AKAIN1: variants seen among roughly 807,000 people sequenced by gnomAD.
AKAIN1 encodes A-kinase anchor inhibitor 1, also known as A-kinase anchor protein inhibitor 1.
In AKAIN1, 3 loss-of-function variants were observed where a neutral mutation model predicts 3.7. The ratio of observed to expected loss-of-function variants is 0.82; its 90% CI spans 0.37 to 2.12. AKAIN1 has a LOEUF of 2.12. Ranked by LOEUF, AKAIN1 falls within the 30% of genes most tolerant of loss-of-function variation. The pLI is 0.06. For synonymous variants in AKAIN1, 31 were observed against 30.8 expected (o/e 1.01, Z -0.02); for missense variants, 82 against 82.7 (o/e 0.99, Z 0.03).
chr18:5,168,864 TAAA>T (rs34950957), intron 1 of AKAIN1, among the ~76,000 whole-genome samples: 4 of 122,666 alleles, frequency 3.3e-5, no homozygotes, highest in South Asian at 2.6e-4. Flanking sequence ...GGCAATTCAT[TAAA>T]AAAAAAAAAA....
chr18:5,155,829 C>T (rs1598306070), intron 1 of AKAIN1, among the ~76,000 whole-genome samples: 1 of 152,164 alleles, frequency 6.6e-6, no homozygotes, highest in South Asian at 2.1e-4. Context: ...TACTTTCTTT[C>T]CCACTGCAGG....
At chr18:5,181,888 C>A (rs2071260619) in intron 1 of AKAIN1, among the ~76,000 whole-genome samples, 1 of 152,058 alleles carries the variant, frequency 6.6e-6, no homozygotes, top group Admixed American at 6.6e-5. Context: ...CCTCACAATA[C>A]AAATTGACCC....
At chr18:5,174,419 G>T (rs2071214389) in intron 1 of AKAIN1, among the ~76,000 whole-genome samples, 1 of 152,134 alleles carries the variant, frequency 6.6e-6, no homozygotes, top group South Asian at 2.1e-4. Context: ...TTGCCCACTT[G>T]TATAAAGCAC....
intron 1 of AKAIN1, among the ~76,000 whole-genome samples, chr18:5,157,480 A>C (rs540999828): frequency 1.2e-4 from 18 of 152,334 alleles, no homozygotes; most frequent in South Asian, 8.3e-4. Flanking sequence ...GCATTTGGAA[A>C]GAAAGCTCAA....
At chr18:5,183,730 G>C (rs1051097814) in intron 1 of AKAIN1, among the ~76,000 whole-genome samples, 4 of 152,028 alleles carry the variant, frequency 2.6e-5, no homozygotes, top group African/African-American at 7.2e-5. Context: ...TGAAACCATT[G>C]CTCTTAGGAA....
At chr18:5,149,522 A>G (rs1324605252) in intron 1 of AKAIN1, among the ~76,000 whole-genome samples, 1 of 152,220 alleles carries the variant, frequency 6.6e-6, no homozygotes, top group Non-Finnish European at 1.5e-5. Context: ...CACCTAGGTT[A>G]TCCTCTGCCA....
At chr18:5,196,514 C>A (rs2071348490) in intron 1 of AKAIN1, among the ~76,000 whole-genome samples, 1 of 152,238 alleles carries the variant, frequency 6.6e-6, no homozygotes, top group South Asian at 2.1e-4. Flanking sequence ...AGTTTCAGGT[C>A]TAATTCCTTA....
In AKAIN1 at chr18:5,189,093, G is replaced by T. The variant is rs1270581006; in HGVS notation, c.16+7945C>A. On this transcript the variant is annotated intron_variant, in intron 1 of 1. Coordinates refer to ENST00000434239, the MANE Select transcript of AKAIN1 (RefSeq NM_001145194.2). ...CCTGAGCCCATTTGAGCCATGGCTG[G>T]AGCAGCCAAGGAGAGTTATGCTGAA... Among the ~76,000 whole-genome samples, 2 of 152,274 alleles carry T rather than the reference G, an allele frequency of 1.3e-5. 1 individual carries two copies. Among genetic ancestry groups the T allele is most frequent in the South Asian group, 4.1e-4 (2 of 4,822 alleles).
intron 1 of AKAIN1, among the ~76,000 whole-genome samples, chr18:5,163,447 T>C (rs1032148903): frequency 6.6e-6 from 1 of 152,074 alleles, no homozygotes; most frequent in Non-Finnish European, 1.5e-5. Context: ...TCGTGTGCAA[T>C]ATAAGAAATA....
At chr18:5,174,343 C>G (rs2071213950) in intron 1 of AKAIN1, among the ~76,000 whole-genome samples, 1 of 152,126 alleles carries the variant, frequency 6.6e-6, no homozygotes, top group African/African-American at 2.4e-5. Flanking sequence ...CAAGGTCCAC[C>G]TTAGAAAGCT....
intron 1 of AKAIN1, among the ~76,000 whole-genome samples, chr18:5,174,815 G>A (rs945391633): frequency 1.3e-5 from 2 of 152,122 alleles, no homozygotes; most frequent in Admixed American, 6.5e-5. Flanking sequence ...ACTCCACCAC[G>A]GGAACAACTC....
At chr18:5,197,505 A>AAAAAAAAAAC (rs2071356640), upstream of AKAIN1, 3 of 1,024,792 alleles carry the variant, frequency 2.9e-6, no homozygotes, top group Non-Finnish European at 2.3e-6. The surrounding 1 kb of genome is among the most constrained non-coding windows in gnomAD (Gnocchi z 6.9). Context: ...TAGATTTGTC[A>AAAAAAAAAAC]AAAAAAAAAA....
At chr18:5,155,034 C>A (rs767105410) in intron 1 of AKAIN1, among the ~76,000 whole-genome samples, 1 of 152,042 alleles carries the variant, frequency 6.6e-6, no homozygotes, top group South Asian at 2.1e-4. Flanking sequence ...GAAAGCCTAA[C>A]GGGGTTGGCG....
At chr18:5,189,486 C>G (rs1321411787) in intron 1 of AKAIN1, among the ~76,000 whole-genome samples, 1 of 152,150 alleles carries the variant, frequency 6.6e-6, no homozygotes, top group Non-Finnish European at 1.5e-5. Context: ...TTTCCTCTTA[C>G]ATCTCACTGT....
chr18:5,158,879 CAACTA>C (rs1567873120), intron 1 of AKAIN1, among the ~76,000 whole-genome samples: 1 of 152,128 alleles, frequency 6.6e-6, no homozygotes, highest in African/African-American at 2.4e-5. Flanking sequence ...GGTTTTCTTA[CAACTA>C]AACTACAAAA....
intron 1 of AKAIN1, among the ~76,000 whole-genome samples, chr18:5,150,745 C>T (rs2071075654): frequency 6.6e-6 from 1 of 152,152 alleles, no homozygotes; most frequent in Non-Finnish European, 1.5e-5. Context: ...CATGCCTCTC[C>T]AGTGGAAGGT....
chr18:5,182,321 C>G (rs1054392564), intron 1 of AKAIN1, among the ~76,000 whole-genome samples: 1 of 152,086 alleles, frequency 6.6e-6, no homozygotes, highest in African/African-American at 2.4e-5. Context: ...ATATAAGATG[C>G]ACATTATTAG....
chr18:5,155,527 C>T (rs1161243312), intron 1 of AKAIN1, among the ~76,000 whole-genome samples: 2 of 152,172 alleles, frequency 1.3e-5, no homozygotes, highest in Non-Finnish European at 2.9e-5. Flanking sequence ...CTGCACTGCC[C>T]AGACGGTCAG....
At chr18:5,189,849 G>T (rs1337904016) in intron 1 of AKAIN1, among the ~76,000 whole-genome samples, 1 of 151,504 alleles carries the variant, frequency 6.6e-6, no homozygotes, top group Non-Finnish European at 1.5e-5. Context: ...AATTCTTCCA[G>T]CTCCTACTCA....
Sources: gnomAD v4.1 joint callset for allele counts (sites outside exome capture counted in the v4.1 genomes callset) on GRCh38, gnomAD v4.1.1 for gene constraint, Gnocchi (gnomAD v3.1) non-coding constraint, MANE v1.5 for transcripts, NCBI Gene and HGNC (gene_info 2026-07-23, HGNC 2026-07-21) for gene names.